Variants in NBAS observed in about 807,000 individuals in gnomAD.
The protein encoded by NBAS is NBAS subunit of NRZ tethering complex.
Under a neutral mutation model 302.5 loss-of-function variants are expected in NBAS, and 219 were observed. The observed-to-expected ratio is 0.72, with a 90% confidence interval of 0.65 to 0.81. The LOEUF (loss-of-function observed/expected upper bound fraction) is 0.81, where lower values mean the gene tolerates loss of function less well. Among genes scored for constraint, NBAS ranks in the 30% least tolerant of loss-of-function variants. The pLI, the probability that NBAS is intolerant of heterozygous loss-of-function variation, is 0.00. For missense variants in NBAS, 2,932 were observed against 2,841.6 expected (o/e 1.03, Z -0.72); for synonymous variants, 1,118 against 1,021.6 (o/e 1.09, Z -1.80).
chr2:15,057,358 AAGAG>A, the NBAS span, among the ~76,000 whole-genome samples: 1 of 149,104 alleles, frequency 6.7e-6, no homozygotes, highest in East Asian at 2.0e-4. Context: ...GATTGGGCAG[AAGAG>A]AGAGAGAGAC....
chr2:14,892,771 C>A, the NBAS span, among the ~76,000 whole-genome samples: 3 of 151,622 alleles, frequency 2.0e-5, no homozygotes, highest in Admixed American at 2.0e-4. Context: ...CTGGGATAAA[C>A]CTGTTTGTCA....
the NBAS span, among the ~76,000 whole-genome samples, chr2:14,859,595 C>T: frequency 1.7e-4 from 26 of 151,990 alleles, no homozygotes; most frequent in African/African-American, 3.9e-4. Flanking sequence ...AAGGACAGTC[C>T]GTTCAATAAA....
At chr2:15,031,758 A>G in the NBAS span, among the ~76,000 whole-genome samples, 2 of 152,246 alleles carry the variant, frequency 1.3e-5, no homozygotes, top group Admixed American at 1.3e-4. Context: ...ACACTGTTGC[A>G]TGAAGACAGG....
chr2:15,479,343 T>C (rs926376017), intron 12 of NBAS, among the ~76,000 whole-genome samples: 2 of 152,214 alleles, frequency 1.3e-5, no homozygotes, highest in African/African-American at 2.4e-5. Flanking sequence ...ATACATATTA[T>C]TGAAAACAGT....
In NBAS at chr2:15,473,340, C is replaced by T. The variant is rs375781653; in HGVS notation, c.1607G>A (p.Ser536Asn). 1 of 1,613,714 alleles carries T rather than the reference C, an allele frequency of 6.2e-7. No homozygotes were observed. The highest frequency in any genetic ancestry group is 8.5e-7 in the Non-Finnish European group (1 of 1,179,816). ...PEELYQRKIE[S>N]EEYEEALSLA... ...GGACAAGGCTTCCTCATACTCTTCACTTTCAATCTTCAGATAAAAACACGA... is the reference window on the plus strand; with the variant it reads ...GGACAAGGCTTCCTCATACTCTTCATTTTCAATCTTCAGATAAAAACACGA... Residue 536 changes from serine (S) to asparagine (N), a missense_variant, in exon 16 of 52, where the codon AGT becomes AAT. Coordinates refer to ENST00000281513, the MANE Select transcript of NBAS (RefSeq NM_015909.4).
chr2:14,786,503 G>A, the NBAS span, among the ~76,000 whole-genome samples: 1 of 152,102 alleles, frequency 6.6e-6, no homozygotes, highest in African/African-American at 2.4e-5. Flanking sequence ...ATGTGTCCCA[G>A]AGATTCTGGT....
At chr2:15,184,673 T>G (rs965371723) in intron 50 of NBAS, among the ~76,000 whole-genome samples, 2 of 152,190 alleles carry the variant, frequency 1.3e-5, no homozygotes, top group African/African-American at 2.4e-5. Flanking sequence ...ACTCACCTCC[T>G]GCAGTGCAGT....
At chr2:15,480,726 A>C (rs1221560688) in intron 12 of NBAS, among the ~76,000 whole-genome samples, 1 of 152,226 alleles carries the variant, frequency 6.6e-6, no homozygotes, top group African/African-American at 2.4e-5. Flanking sequence ...AAAAAGGAGA[A>C]CAGTTTAATA....
At chr2:15,428,024 G>A (rs555094220) in intron 21 of NBAS, among the ~76,000 whole-genome samples, 49 of 152,198 alleles carry the variant, frequency 3.2e-4, no homozygotes, top group African/African-American at 1.1e-3. Context: ...AAAAAATTTG[G>A]CAAGTAATTA....
At chr2:15,093,656 C>A in the NBAS span, among the ~76,000 whole-genome samples, 4 of 151,924 alleles carry the variant, frequency 2.6e-5, no homozygotes, top group African/African-American at 9.7e-5. Flanking sequence ...GTTATTTACA[C>A]AAATGAAAAA....
chr2:14,973,457 T>C, the NBAS span, among the ~76,000 whole-genome samples: 1 of 152,246 alleles, frequency 6.6e-6, no homozygotes, highest in African/African-American at 2.4e-5. Flanking sequence ...TTTGAATGTA[T>C]GCATTCCACC....
chr2:15,209,248 G>T (rs1666291524), intron 48 of NBAS, among the ~76,000 whole-genome samples: 1 of 152,088 alleles, frequency 6.6e-6, no homozygotes, highest in Non-Finnish European at 1.5e-5. Context: ...AGTGAACCAT[G>T]AAGAAATCTA....
chr2:14,935,698 A>C, the NBAS span, among the ~76,000 whole-genome samples: 6 of 152,176 alleles, frequency 3.9e-5, no homozygotes, highest in Non-Finnish European at 7.3e-5. Context: ...CATTTGCTGG[A>C]AATGTGTCTT....
At chr2:15,266,947 T>A (rs550145424) in intron 44 of NBAS, among the ~76,000 whole-genome samples, 2 of 152,330 alleles carry the variant, frequency 1.3e-5, no homozygotes, top group South Asian at 4.1e-4. Flanking sequence ...TTTGAAATAA[T>A]TATAGATCTA....
In NBAS at chr2:15,353,496, C is replaced by CACACCCA. The variant is rs1269745662; in HGVS notation, c.4089+50_4089+56dup. The CACACCCA allele has an allele frequency of 6.9e-6, 11 of 1,601,926 alleles. No homozygotes were observed. The East Asian group carries it at 2.5e-4, about 36-fold the overall frequency. The stretch of plus-strand genomic sequence containing the variant: ...TAAGTGACCACATACCTCAGATACA[C>CACACCCA]ACACCCAACAACATGGACGTCATAC... On this transcript the variant is annotated intron_variant, in intron 34 of 51. Transcript: ENST00000281513.
intron 8 of NBAS, among the ~76,000 whole-genome samples, chr2:15,535,555 T>TAAATAAATAAATAAACAAAC (rs1218920582): frequency 1.1e-5 from 1 of 91,444 alleles, no homozygotes; most frequent in African/African-American, 3.1e-5. Flanking sequence ...AATAAATAAA[T>TAAATAAATAAATAAACAAAC]AAATAAATAA....
At chr2:15,030,158 T>C in the NBAS span, among the ~76,000 whole-genome samples, 2 of 152,082 alleles carry the variant, frequency 1.3e-5, no homozygotes, top group African/African-American at 4.8e-5. Flanking sequence ...AATCATCTTC[T>C]GGGAAAGTGT....
At chr2:15,182,502 T>A (rs1664876406) in intron 50 of NBAS, among the ~76,000 whole-genome samples, 1 of 152,126 alleles carries the variant, frequency 6.6e-6, no homozygotes. Context: ...AGCTGGGAAT[T>A]ATTAAGGCTC....
At chr2:15,282,898 G>T (rs1669886614) in intron 42 of NBAS, among the ~76,000 whole-genome samples, 1 of 152,076 alleles carries the variant, frequency 6.6e-6, no homozygotes, top group African/African-American at 2.4e-5. Context: ...TGATGGCCTG[G>T]AATGCCCTTT....
Sources: gnomAD v4.1 joint callset for allele counts (sites outside exome capture counted in the v4.1 genomes callset) on GRCh38, gnomAD v4.1.1 for gene constraint, MANE v1.5 for transcripts, NCBI Gene and HGNC (gene_info 2026-07-23, HGNC 2026-07-21) for gene names.